RAC1: variants seen among roughly 807,000 people sequenced by gnomAD.
The protein encoded by RAC1 is Rac family small GTPase 1.
A neutral mutation model predicts 25.2 loss-of-function variants in RAC1; 2 were observed. The observed-to-expected ratio is 0.08, with a 90% CI of 0.03 to 0.25. RAC1 has a LOEUF of 0.25. Ranked by LOEUF, RAC1 falls within the 10% of genes least tolerant of loss-of-function variation. The pLI, the probability that RAC1 is intolerant of heterozygous loss-of-function variation, is 1.00. For missense variants in RAC1, 50 were observed against 235.7 expected, an observed-to-expected ratio of 0.21 and a Z score of 5.16; for synonymous variants, 88 against 94.0, an observed-to-expected ratio of 0.94 and a Z score of 0.37.
At chr7:6,398,574 T>TCA in intron 3 of RAC1, 4 of 1,202,718 alleles carry the variant, frequency 3.3e-6, no homozygotes, top group Non-Finnish European at 3.6e-6. Flanking sequence ...TAAGACAAAA[T>TCA]TCTAATAAAG....
chr7:6,397,253 GAA>G (rs1049025125), intron 3 of RAC1, among the ~76,000 whole-genome samples: 4 of 96,232 alleles, frequency 4.2e-5, no homozygotes, highest in Non-Finnish European at 6.3e-5. Flanking sequence ...AAAAAAAAAA[GAA>G]AAAAAAGAAA....
chr7:6,378,312 G>A (rs528334681), intron 1 of RAC1, among the ~76,000 whole-genome samples: 2 of 151,558 alleles, frequency 1.3e-5, no homozygotes, highest in African/African-American at 2.4e-5. Flanking sequence ...TTGGGAGGCC[G>A]AGGCAGGCGG....
intron 1 of RAC1, among the ~76,000 whole-genome samples, chr7:6,386,775 C>T (rs1331639749): frequency 2.4e-5 from 3 of 126,506 alleles, no homozygotes; most frequent in South Asian, 2.4e-4. Context: ...GGCGACAGCA[C>T]GAGACTCGGT....
chr7:6,400,669 T>TG (rs1562470489), intron 4 of RAC1, among the ~76,000 whole-genome samples: 1 of 151,896 alleles, frequency 6.6e-6, no homozygotes. Context: ...GAGAGTCTTT[T>TG]TTTTTGTTTT....
At chr7:6,384,778 G>C (rs1782875768) in intron 1 of RAC1, among the ~76,000 whole-genome samples, 1 of 151,716 alleles carries the variant, frequency 6.6e-6, no homozygotes, top group Non-Finnish European at 1.5e-5. Context: ...CTAAGCCACT[G>C]CACCAGGCTT....
chr7:6,375,042 C>T (rs922521924), intron 1 of RAC1, among the ~76,000 whole-genome samples: 1 of 151,352 alleles, frequency 6.6e-6, no homozygotes, highest in South Asian at 2.1e-4. Flanking sequence ...CGGCTTTCTT[C>T]CCGGACGCCG....
rs542394026 is a variant in RAC1, at chr7:6,376,459, C to G, written c.35+1689C>G. ...TGGGTCTCCCAGAGTGTTGGGATTACAGGCGTAAGCCACGGCGCCCGGCCC... is the reference window on the plus strand; with the variant it reads ...TGGGTCTCCCAGAGTGTTGGGATTAGAGGCGTAAGCCACGGCGCCCGGCCC... On this transcript the variant is annotated intron_variant, in intron 1 of 5. Coordinates refer to ENST00000348035, the MANE Select transcript of RAC1 (RefSeq NM_006908.5). Among the ~76,000 whole-genome samples, 167 of 148,844 alleles carry G rather than the reference C, an allele frequency of 1.1e-3. 1 individual carries two copies. Among genetic ancestry groups the G allele is most frequent in the African/African-American group, 3.9e-3 (157 of 40,466 alleles).
At position 6,389,698 on chromosome 7, in the gene RAC1, T is replaced by A. The variant is rs112343431; in HGVS notation, c.108-2226T>A. 9.2e-5 allele frequency among the ~76,000 whole-genome samples: 14 copies of A among 151,706 alleles called. 2 individuals are homozygous for A. The highest frequency in any genetic ancestry group is 2.9e-4 in the African/African-American group (12 of 41,346). On this transcript the variant is annotated intron_variant, in intron 2 of 5. Transcript: ENST00000348035. ...TTGTCTCCAAAAAAGAAAAAAAAAATATGTGTTTTTGTAGAGCTATGTTTT... is the reference window on the plus strand; with the variant it reads ...TTGTCTCCAAAAAAGAAAAAAAAAAAATGTGTTTTTGTAGAGCTATGTTTT...
intron 1 of RAC1, among the ~76,000 whole-genome samples, chr7:6,384,610 T>G (rs1188155370): frequency 6.6e-6 from 1 of 152,132 alleles, no homozygotes; most frequent in African/African-American, 2.4e-5. Flanking sequence ...CCTGAGTAGC[T>G]GGGACTACAG....
intron 1 of RAC1, among the ~76,000 whole-genome samples, chr7:6,382,756 C>A (rs1782806939): frequency 6.6e-6 from 1 of 152,150 alleles, no homozygotes. Context: ...ACGTGTAGTC[C>A]CAGCTACTTG....
At chr7:6,376,055 T>C (rs1782583784) in intron 1 of RAC1, 1 of 152,044 alleles carries the variant, frequency 6.6e-6, no homozygotes, top group Non-Finnish European at 1.5e-5. Flanking sequence ...TTAGGACAGA[T>C]TTTGGTTCTT....
At chr7:6,380,986 A>G (rs1416689931) in intron 1 of RAC1, among the ~76,000 whole-genome samples, 1 of 152,130 alleles carries the variant, frequency 6.6e-6, no homozygotes, top group Non-Finnish European at 1.5e-5. Flanking sequence ...CTCCTGCCTC[A>G]GCCTCCTGAG....
intron 3 of RAC1, among the ~76,000 whole-genome samples, chr7:6,397,948 C>T (rs1382584821): frequency 2.0e-5 from 3 of 152,168 alleles, no homozygotes; most frequent in Admixed American, 6.5e-5. Flanking sequence ...GAGATCTCAC[C>T]ATTGCACTCC....
chr7:6,389,861 T>A (rs905752338), intron 2 of RAC1, among the ~76,000 whole-genome samples: 1 of 152,114 alleles, frequency 6.6e-6, no homozygotes, highest in African/African-American at 2.4e-5. Context: ...TAGTCTCTTG[T>A]GAATTGTCTG....
chr7:6,399,092 C>T (rs1363567331), intron 3 of RAC1, among the ~76,000 whole-genome samples: 3 of 141,536 alleles, frequency 2.1e-5, no homozygotes, highest in South Asian at 2.2e-4. Context: ...TTGGGTGTCC[C>T]GTGTGGTGGG....
chr7:6,387,419 C>T, intron 2 of RAC1, 136 bp downstream of exon 2: 1 of 667,070 alleles, frequency 1.5e-6, no homozygotes, highest in African/African-American at 1.9e-5. Context: ...TCACTGAAAC[C>T]TAATTATAAG....
intron 3 of RAC1, among the ~76,000 whole-genome samples, chr7:6,399,518 T>G (rs80150225): frequency 6.6e-6 from 1 of 152,248 alleles, no homozygotes; most frequent in South Asian, 2.1e-4. Flanking sequence ...TTTGCGCCTC[T>G]GCGTCAGCCA....
chr7:6,398,841 A>G (rs956941104), intron 3 of RAC1: 45 of 923,244 alleles, frequency 4.9e-5, no homozygotes, highest in Non-Finnish European at 7.3e-5. Flanking sequence ...AATTCACTCA[A>G]GGTTGGGGTT....
At chr7:6,375,010 G>A (rs34353637) in intron 1 of RAC1, among the ~76,000 whole-genome samples, 5,509 of 151,962 alleles carry the variant, frequency 0.036, 133 homozygotes, top group South Asian at 0.098. Flanking sequence ...GCCGGCTAGA[G>A]GGAAAAGTGA....
Sources: allele counts gnomAD v4.1 joint callset (sites outside exome capture counted in the v4.1 genomes callset), GRCh38; gene constraint gnomAD v4.1.1; transcripts MANE v1.5; gene names NCBI Gene and HGNC (gene_info 2026-07-23, HGNC 2026-07-21).